Variants in ANKRD11 observed in about 807,000 individuals in gnomAD.
The protein encoded by ANKRD11 is ankyrin repeat domain 11.
ANKRD11 carries 17 observed loss-of-function variants against 195.7 expected under a neutral mutation model. That is an observed-to-expected ratio of 0.09 (90% CI 0.06 to 0.13). The LOEUF (loss-of-function observed/expected upper bound fraction) is 0.13, where lower values mean the gene tolerates loss of function less well. ANKRD11 is among the 10% of genes least tolerant of loss of function. ANKRD11 has a pLI of 1.00. For missense variants in ANKRD11, 3,735 were observed against 3,566.1 expected (o/e 1.05, Z -1.21); for synonymous variants, 1,953 against 1,528.1 (o/e 1.28, Z -6.49).
chr16:89,455,181 T>G (rs539039550), intron 1 of ANKRD11, among the ~76,000 whole-genome samples: 1 of 132,616 alleles, frequency 7.5e-6, no homozygotes, highest in Non-Finnish European at 1.6e-5. Context: ...CCTGGGTGCT[T>G]CTAGCATTCC....
chr16:89,360,417 A>C (rs1477919239), intron 2 of ANKRD11: 1 of 152,252 alleles, frequency 6.6e-6, no homozygotes, highest in Non-Finnish European at 1.5e-5. Context: ...ATCACTTGAT[A>C]AACATTTATA....
At chr16:89,295,975 A>C (rs984965894) in intron 4 of ANKRD11, among the ~76,000 whole-genome samples, 1 of 71,248 alleles carries the variant, frequency 1.4e-5, no homozygotes, top group South Asian at 5.7e-4. Context: ...TGTCTTCTCT[A>C]TCTGGCTGCC....
chr16:89,404,482 G>A (rs2041828925), intron 2 of ANKRD11, among the ~76,000 whole-genome samples: 1 of 152,156 alleles, frequency 6.6e-6, no homozygotes, highest in South Asian at 2.1e-4. Context: ...ATATTATTTT[G>A]TTATTCTGGT....
intron 2 of ANKRD11, among the ~76,000 whole-genome samples, chr16:89,409,368 G>T (rs146210586): frequency 3.9e-5 from 6 of 152,214 alleles, no homozygotes; most frequent in Non-Finnish European, 1.5e-5. Flanking sequence ...AACAGGGGTG[G>T]GGTGGGAAGG....
rs1250678778 is a variant in ANKRD11, at chr16:89,305,200, T to C, written c.226+6A>G. The C allele has an allele frequency of 6.2e-7, 1 of 1,611,442 alleles. No homozygotes were observed. Among genetic ancestry groups the C allele is most frequent in the Non-Finnish European group, 8.5e-7 (1 of 1,179,594 alleles). ...GCTGACTGCAGGAGGGGCCGCGGGC[T>C]GGTACCTGTGTCCGAGTCCTTCTGC... On this transcript the variant is annotated splice_donor_region_variant and intron_variant, in intron 4 of 12. Coordinates refer to ENST00000301030, the MANE Select transcript of ANKRD11 (RefSeq NM_013275.6).
At chr16:89,313,448 T>C (rs1419171814) in intron 3 of ANKRD11, 1 of 1,289,056 alleles carries the variant, frequency 7.8e-7, no homozygotes, top group Non-Finnish European at 1.0e-6. Context: ...CTGACACGCC[T>C]GCCACTGTGC....
chr16:89,488,524 A>C lies in ANKRD11; in HGVS notation c.-145+1721T>G, dbSNP rs568343138. ...GTAATCATTCTCTAACAGAACTCGA[A>C]GTCTTCCAGGGCAGCCAATACTTAC... On this transcript the variant is annotated intron_variant, in intron 1 of 12. Coordinates refer to ENST00000301030, the MANE Select transcript of ANKRD11 (RefSeq NM_013275.6). Among the ~76,000 whole-genome samples the C allele has an allele frequency of 6.6e-5, 10 of 152,002 alleles. No homozygotes were observed. The South Asian group carries it at 2.1e-3, about 32-fold the overall frequency.
At chr16:89,315,739 G>C (rs375900285) in intron 3 of ANKRD11, among the ~76,000 whole-genome samples, 1 of 152,214 alleles carries the variant, frequency 6.6e-6, no homozygotes, top group African/African-American at 2.4e-5. Context: ...GCACCTGCAC[G>C]TGTCCGTATT....
intron 2 of ANKRD11, among the ~76,000 whole-genome samples, chr16:89,383,792 C>T (rs975933009): frequency 6.6e-6 from 1 of 152,156 alleles, no homozygotes; most frequent in Admixed American, 6.5e-5. Context: ...GCCAAGAGCC[C>T]AATCATGATA....
intron 2 of ANKRD11, among the ~76,000 whole-genome samples, chr16:89,353,139 C>T (rs1389575047): frequency 6.6e-6 from 1 of 152,080 alleles, no homozygotes; most frequent in African/African-American, 2.4e-5. Flanking sequence ...GTCAGGAGTT[C>T]AAGACCAGCC....
chr16:89,361,070 T>G (rs2039708517), intron 2 of ANKRD11, among the ~76,000 whole-genome samples: 1 of 152,204 alleles, frequency 6.6e-6, no homozygotes, highest in African/African-American at 2.4e-5. Context: ...CCCCAGCCCC[T>G]GCTGCAATGG....
intron 2 of ANKRD11, among the ~76,000 whole-genome samples, chr16:89,367,120 C>T (rs192501515): frequency 8.8e-4 from 134 of 152,326 alleles, no homozygotes; most frequent in Non-Finnish European, 1.3e-3. Context: ...ATACTCACTA[C>T]CTCAACTCTC....
chr16:89,432,945 T>TCTCC (rs1491297744), intron 1 of ANKRD11, among the ~76,000 whole-genome samples: 60 of 13,152 alleles, frequency 4.6e-3, no homozygotes, highest in African/African-American at 0.014. Flanking sequence ...AGAGACCCTA[T>TCTCC]CTCTCTCTCT....
At chr16:89,320,446 C>G (rs755701090) in intron 2 of ANKRD11, 1 of 152,290 alleles carries the variant, frequency 6.6e-6, no homozygotes, top group Admixed American at 6.5e-5. Context: ...GGCTGACTCA[C>G]GCCCTGTGCT....
chr16:89,349,861 AACACACACAC>A (rs34592614), intron 2 of ANKRD11, among the ~76,000 whole-genome samples: 1,345 of 133,220 alleles, frequency 0.01, 16 homozygotes, highest in African/African-American at 0.03. Flanking sequence ...TACTTGTTAA[AACACACACAC>A]ACACACACAC....
At chr16:89,349,173 A>G (rs957043672) in intron 2 of ANKRD11, among the ~76,000 whole-genome samples, 1 of 141,970 alleles carries the variant, frequency 7.0e-6, no homozygotes, top group African/African-American at 2.6e-5. Context: ...AATAATAATT[A>G]TAGTAATCAA....
chr16:89,467,262 T>G (rs2056916843), intron 1 of ANKRD11, among the ~76,000 whole-genome samples: 1 of 44,326 alleles, frequency 2.3e-5, no homozygotes, highest in South Asian at 1.1e-3. Context: ...CTAAACCCCA[T>G]CTCTACAAAA....
intron 1 of ANKRD11, among the ~76,000 whole-genome samples, chr16:89,434,505 C>T (rs2043129146): frequency 6.6e-6 from 1 of 152,216 alleles, no homozygotes; most frequent in South Asian, 2.1e-4. Flanking sequence ...AGTCCTGTGC[C>T]TCACCCCTGC....
chr16:89,292,340 C>A (rs1169933994), intron 4 of ANKRD11, among the ~76,000 whole-genome samples: 1 of 152,196 alleles, frequency 6.6e-6, no homozygotes, highest in Non-Finnish European at 1.5e-5. Context: ...CCCACACCTG[C>A]CCGGTCACTG....
Sources: gnomAD v4.1 joint callset for allele counts (sites outside exome capture counted in the v4.1 genomes callset) on GRCh38, gnomAD v4.1.1 for gene constraint, MANE v1.5 for transcripts, NCBI Gene and HGNC (gene_info 2026-07-23, HGNC 2026-07-21) for gene names.